The following KDM7A variants were observed in gnomAD, a reference collection of about 807,000 sequenced individuals.
The protein encoded by KDM7A is lysine-specific demethylase 7A.
A neutral mutation model predicts 114.8 loss-of-function variants in KDM7A; 28 were observed. The observed-to-expected ratio is 0.24, with a 90% CI of 0.18 to 0.33. KDM7A has a LOEUF of 0.33. KDM7A is among the 10% of genes least tolerant of loss of function. The probability of loss-of-function intolerance (pLI) is 1.00; values close to 1 mark genes in which losing one functional copy is unlikely to be tolerated. For synonymous variants in KDM7A, 423 were observed against 397.8 expected, an observed-to-expected ratio of 1.06 and a Z score of -0.75; for missense variants, 942 against 1,142.5, an observed-to-expected ratio of 0.82 and a Z score of 2.53.
chr7:140,168,686 T>C (rs1794605357), intron 1 of KDM7A, among the ~76,000 whole-genome samples: 1 of 152,116 alleles, frequency 6.6e-6, no homozygotes, highest in Non-Finnish European at 1.5e-5. Context: ...CTAAGTAACT[T>C]TGGAAAACAA....
At chr7:140,164,246 G>C (rs972692727) in intron 1 of KDM7A, among the ~76,000 whole-genome samples, 3 of 152,186 alleles carry the variant, frequency 2.0e-5, no homozygotes, top group Non-Finnish European at 2.9e-5. Context: ...ACCACTTTGT[G>C]CAACAAAGAG....
intron 1 of KDM7A, among the ~76,000 whole-genome samples, chr7:140,160,342 T>C (rs1040231948): frequency 1.3e-5 from 2 of 152,160 alleles, no homozygotes; most frequent in Non-Finnish European, 2.9e-5. Context: ...GTCACTCATA[T>C]CCTAACGTTA....
At chr7:140,125,439 G>A (rs1002656009) in intron 6 of KDM7A, among the ~76,000 whole-genome samples, 1 of 152,168 alleles carries the variant, frequency 6.6e-6, no homozygotes, top group Non-Finnish European at 1.5e-5. Flanking sequence ...TAGTATAAAC[G>A]AGGAACTGAA....
chr7:140,124,833 G>T, intron 6 of KDM7A, 50 bp from the exon 7 acceptor site: 2 of 1,147,008 alleles, frequency 1.7e-6, no homozygotes, highest in Non-Finnish European at 2.5e-6. Flanking sequence ...CCATACTTAG[G>T]ATAGCCTACA....
At chr7:140,101,196 C>G (rs372532413) in intron 12 of KDM7A, among the ~76,000 whole-genome samples, 51 of 152,214 alleles carry the variant, frequency 3.4e-4, no homozygotes, top group African/African-American at 1.1e-3. Flanking sequence ...ATGGATGATG[C>G]AGAGCTCACT....
Position 140,091,016 on chromosome 7 carries a change from G to C in KDM7A, c.*78C>G. 1 of 990,848 alleles carries C rather than the reference G, an allele frequency of 1.0e-6. No individual in the cohort carries two copies. The highest frequency in any genetic ancestry group is 1.6e-6 in the Non-Finnish European group (1 of 616,554). The allele number at this position is 990,848 out of a possible 1,614,324, so 61.4% of individuals were successfully genotyped here. A position where few individuals can be genotyped will look rare whatever the true frequency, so the allele number is the denominator to read the frequency against. On this transcript the variant is annotated 3_prime_UTR_variant, in exon 20 of 20. Coordinates refer to ENST00000397560, the MANE Select transcript of KDM7A (RefSeq NM_030647.2). ...CTATACACACAAACTGCTCCAGGCA[G>C]GGGGACAGCGGAAGCTCCAGGCTCC...
chr7:140,107,752 G>C (rs950789895), intron 11 of KDM7A, among the ~76,000 whole-genome samples: 24 of 152,094 alleles, frequency 1.6e-4, no homozygotes, highest in Non-Finnish European at 4.4e-5. Context: ...TACGTGTCTT[G>C]GAGTTGCTCT....
intron 2 of KDM7A, among the ~76,000 whole-genome samples, chr7:140,137,005 TA>T (rs57147468): frequency 0.36 from 51,589 of 141,878 alleles, 9,067 homozygotes; most frequent in Middle Eastern, 0.44. Context: ...AAAAATAAAT[TA>T]AAAAAAAAAA....
intron 1 of KDM7A, among the ~76,000 whole-genome samples, chr7:140,166,283 C>T (rs1422932369): frequency 1.3e-5 from 2 of 151,242 alleles, no homozygotes; most frequent in Non-Finnish European, 2.9e-5. Context: ...TAAAACTCAA[C>T]ATCCATTCAT....
intron 12 of KDM7A, among the ~76,000 whole-genome samples, chr7:140,100,701 T>TATATATATATAC (rs1818197421): frequency 2.7e-5 from 1 of 36,468 alleles, no homozygotes; most frequent in Non-Finnish European, 6.0e-5. Flanking sequence ...TATATATATA[T>TATATATATATAC]ATATATACAC....
intron 1 of KDM7A, among the ~76,000 whole-genome samples, chr7:140,156,838 T>A (rs1794462967): frequency 6.6e-6 from 1 of 152,082 alleles, no homozygotes; most frequent in Non-Finnish European, 1.5e-5. Flanking sequence ...AGCCAGGGGA[T>A]CCGGGTGGGG....
chr7:140,103,461 C>T (rs559437496), intron 11 of KDM7A, among the ~76,000 whole-genome samples: 4 of 151,824 alleles, frequency 2.6e-5, no homozygotes, highest in Admixed American at 6.6e-5. Context: ...ATCCCTCCCC[C>T]CCCCTCCAAC....
rs765638105 is a variant in KDM7A at position 140,091,982 on chromosome 7, T to C, written c.2553A>G (p.Ser851=). Residue 851 remains serine, a synonymous_variant, in exon 19 of 20, where the codon TCA becomes TCG. Transcript: ENST00000397560. ...GCATATACTTTCCATTCTGAAGGCTTGAGCCGCTGCTGTCCACATAATTCC... is the reference window on the plus strand; with the variant it reads ...GCATATACTTTCCATTCTGAAGGCTCGAGCCGCTGCTGTCCACATAATTCC... ...QSRNYVDSSG[S]SLQNGKYMQN... 2 of 1,614,108 alleles carry C rather than the reference T, an allele frequency of 1.2e-6. No individual in the cohort carries two copies. Among genetic ancestry groups the C allele is most frequent in the South Asian group, 2.2e-5 (2 of 91,084 alleles).
intron 11 of KDM7A, among the ~76,000 whole-genome samples, chr7:140,109,231 G>A (rs895056497): frequency 1.3e-5 from 2 of 152,222 alleles, no homozygotes; most frequent in Non-Finnish European, 2.9e-5. Flanking sequence ...GACAGGCGAT[G>A]CACCGCCCTG....
chr7:140,144,645 A>G (rs557268159), intron 1 of KDM7A, among the ~76,000 whole-genome samples: 13 of 152,210 alleles, frequency 8.5e-5, no homozygotes, highest in South Asian at 2.1e-4. Flanking sequence ...AAGAAACACA[A>G]TAAGATTGCT....
intron 7 of KDM7A, among the ~76,000 whole-genome samples, chr7:140,122,551 T>C (rs543632222): frequency 6.6e-6 from 1 of 152,344 alleles, no homozygotes; most frequent in African/African-American, 2.4e-5. Flanking sequence ...TTTGTTATTA[T>C]ATACACCAGA....
chr7:140,111,051 AG>A, intron 11 of KDM7A, 43 bp downstream of exon 11: 1 of 1,079,996 alleles, frequency 9.3e-7, no homozygotes, highest in South Asian at 1.3e-5. Flanking sequence ...TGCTTCTCAA[AG>A]CAGATAATAA....
chr7:140,087,740 C>T lies in KDM7A; in HGVS notation c.*3354G>A, dbSNP rs1206010792. 6.6e-6 allele frequency: 1 copy of T among 152,198 alleles called. No individual in the cohort carries two copies. Among genetic ancestry groups the T allele is most frequent in the Non-Finnish European group, 1.5e-5 (1 of 68,032 alleles). The allele number at this position is 152,198 out of a possible 1,614,324, so 9.4% of individuals were successfully genotyped here. On this transcript the variant is annotated 3_prime_UTR_variant, in exon 20 of 20. Coordinates refer to ENST00000397560, the MANE Select transcript of KDM7A (RefSeq NM_030647.2). ...GTCTTCTGCTTCCTTGCATGCTACACCAAGTCCCTGTATGACCATATTAAT... is the reference window on the plus strand; with the variant it reads ...GTCTTCTGCTTCCTTGCATGCTACATCAAGTCCCTGTATGACCATATTAAT...
At chr7:140,095,394 T>A (rs1350297416) in intron 17 of KDM7A, among the ~76,000 whole-genome samples, 1 of 152,216 alleles carries the variant, frequency 6.6e-6, no homozygotes, top group African/African-American at 2.4e-5. Flanking sequence ...AACTTATTTA[T>A]CCTCTCCAAA....
Sources: allele counts gnomAD v4.1 joint callset (sites outside exome capture counted in the v4.1 genomes callset), GRCh38; gene constraint gnomAD v4.1.1; transcripts MANE v1.5; gene names NCBI Gene and HGNC (gene_info 2026-07-23, HGNC 2026-07-21).